Variants in PARN observed in about 807,000 individuals in gnomAD.
PARN encodes poly(A)-specific ribonuclease, also known as poly(A)-specific ribonuclease PARN.
Under a neutral mutation model 102.8 loss-of-function variants are expected in PARN, and 71 were observed. The observed-to-expected ratio is 0.69, with a 90% CI of 0.57 to 0.84. PARN has a LOEUF of 0.84. Among genes scored for constraint, PARN ranks in the 40% least tolerant of loss-of-function variants. The pLI is 0.00. For synonymous variants in PARN, 261 were observed against 252.9 expected, an observed-to-expected ratio of 1.03 and a Z score of -0.30; for missense variants, 782 against 760.9, an observed-to-expected ratio of 1.03 and a Z score of -0.33.
At chr16:14,625,278 A>G (rs941581132) in intron 5 of PARN, among the ~76,000 whole-genome samples, 2 of 152,132 alleles carry the variant, frequency 1.3e-5, no homozygotes, top group African/African-American at 2.4e-5. Context: ...CGGGCAGATC[A>G]CCTGGGGTCG....
intron 5 of PARN, among the ~76,000 whole-genome samples, chr16:14,623,311 C>T (rs1232865037): frequency 2.0e-5 from 3 of 151,790 alleles, no homozygotes; most frequent in Non-Finnish European, 2.9e-5. Flanking sequence ...GTCAAGAGAT[C>T]GAGACCATCC....
intron 14 of PARN, 144 bp from the exon 15 acceptor site, chr16:14,584,935 CACAG>C (rs1367487114): frequency 2.1e-5 from 12 of 578,586 alleles, no homozygotes; most frequent in Middle Eastern, 4.6e-4. Flanking sequence ...AATACTTAAA[CACAG>C]ACAAAGTAAT....
rs1033005377 is a variant in PARN at position 14,585,374 on chromosome 16, T to G, written c.963-583A>C. Among the ~76,000 whole-genome samples the G allele has an allele frequency of 1.3e-4, 19 of 150,956 alleles. No individual in the cohort carries two copies. The South Asian group carries it at 2.5e-3, about 20-fold the overall frequency. ...AAACTCTATTTCTCTGTTTTTTTTT[T>G]TTTTTTTTTTCATATAAATGTGAAC... On this transcript the variant is annotated intron_variant, in intron 14 of 23. Coordinates refer to ENST00000437198, the MANE Select transcript of PARN (RefSeq NM_002582.4).
At chr16:14,512,013 C>T (rs753796934) in intron 21 of PARN, among the ~76,000 whole-genome samples, 1 of 152,210 alleles carries the variant, frequency 6.6e-6, no homozygotes, top group Non-Finnish European at 1.5e-5. Flanking sequence ...TAACCTACTT[C>T]ACAAGTAATT....
rs1353375682 is a variant in PARN at position 14,554,073 on chromosome 16, C to G, written c.1397G>C (p.Ser466Thr). 1.2e-6 allele frequency: 2 copies of G among 1,610,424 alleles called. No individual in the cohort carries two copies. Among genetic ancestry groups the G allele is most frequent in the African/African-American group, 1.3e-5 (1 of 74,872 alleles). ...WKTSDLYQLF[S>T]AFGNIQISWI... Reference sequence around the variant, plus strand: ...CTGAACTTGCGACTTACCAAAGGCACTGAAAAGCTGGTAAAGGTCGCTGGT... The same window carrying G: ...CTGAACTTGCGACTTACCAAAGGCAGTGAAAAGCTGGTAAAGGTCGCTGGT... Residue 466 changes from serine to threonine, a missense_variant, in exon 20 of 24, where the codon AGT (serine) becomes ACT (threonine). Transcript: ENST00000437198.
chr16:14,498,751 G>T (rs943429579), intron 21 of PARN, among the ~76,000 whole-genome samples: 1 of 152,188 alleles, frequency 6.6e-6, no homozygotes, highest in African/African-American at 2.4e-5. Flanking sequence ...GCCTTGGGAC[G>T]ATGAAATTTA....
intron 12 of PARN, among the ~76,000 whole-genome samples, chr16:14,598,435 G>T (rs1286270202): frequency 6.6e-6 from 1 of 152,074 alleles, no homozygotes; most frequent in Non-Finnish European, 1.5e-5. Flanking sequence ...TATCATGACG[G>T]CTACAAAAGA....
chr16:14,471,961 G>A (rs1173874234), intron 22 of PARN, among the ~76,000 whole-genome samples: 1 of 152,068 alleles, frequency 6.6e-6, no homozygotes, highest in East Asian at 1.9e-4. Context: ...GCCACATTTT[G>A]CTTATCCAAA....
rs536835593 is a variant in PARN, at chr16:14,623,312, G to A, written c.327+3794C>T. ...GGGCAGATCACGAGGTCAAGAGATC[G>A]AGACCATCCTGGCCAACATGGTGAA... On this transcript the variant is annotated intron_variant, in intron 5 of 23. Coordinates refer to ENST00000437198, the MANE Select transcript of PARN (RefSeq NM_002582.4). Among the ~76,000 whole-genome samples the A allele has an allele frequency of 1.2e-3, 181 of 151,834 alleles. 1 individual carries two copies. Among genetic ancestry groups the A allele is most frequent in the Non-Finnish European group, 2.3e-3 (154 of 67,938 alleles).
At chr16:14,599,542 A>G (rs1170399263) in intron 12 of PARN, among the ~76,000 whole-genome samples, 1 of 152,224 alleles carries the variant, frequency 6.6e-6, no homozygotes, top group East Asian at 1.9e-4. Context: ...TACTTAGGGA[A>G]CAAAACACCT....
At chr16:14,437,364 AGG>A (rs1960749139) in intron 23 of PARN, among the ~76,000 whole-genome samples, 1 of 152,212 alleles carries the variant, frequency 6.6e-6, no homozygotes, top group Non-Finnish European at 1.5e-5. Flanking sequence ...TGAAGGGCAG[AGG>A]GAAGCCAACC....
intron 14 of PARN, among the ~76,000 whole-genome samples, chr16:14,585,623 T>C (rs1323724109): frequency 6.6e-6 from 1 of 152,160 alleles, no homozygotes; most frequent in Non-Finnish European, 1.5e-5. Context: ...TTGAAGTGGA[T>C]GAAAAACAAA....
chr16:14,501,505 G>C (rs1964618072), intron 21 of PARN: 1 of 138,872 alleles, frequency 7.2e-6, no homozygotes, highest in South Asian at 2.3e-4. Flanking sequence ...GCAGAGGCAT[G>C]AAAAATAGAA....
At chr16:14,609,525 C>A (rs777226170) in intron 7 of PARN, among the ~76,000 whole-genome samples, 1 of 151,986 alleles carries the variant, frequency 6.6e-6, no homozygotes, top group Non-Finnish European at 1.5e-5. Context: ...GAGCTGTGAT[C>A]GCATCACTGC....
chr16:14,445,448 G>T (rs1961155873), intron 23 of PARN, among the ~76,000 whole-genome samples: 1 of 152,196 alleles, frequency 6.6e-6, no homozygotes, highest in Non-Finnish European at 1.5e-5. Flanking sequence ...TGATTTGATT[G>T]TTAGTTCTGC....
intron 21 of PARN, among the ~76,000 whole-genome samples, chr16:14,501,104 C>A (rs1035489404): frequency 6.6e-6 from 1 of 151,724 alleles, no homozygotes; most frequent in Non-Finnish European, 1.5e-5. Flanking sequence ...ATATGGAAGT[C>A]AACTATCCAG....
At chr16:14,579,795 G>A (rs1969391085) in intron 18 of PARN, among the ~76,000 whole-genome samples, 1 of 152,042 alleles carries the variant, frequency 6.6e-6, no homozygotes, top group African/African-American at 2.4e-5. Context: ...ATTCAGCATG[G>A]TGAAACACCA....
intron 21 of PARN, chr16:14,501,470 A>G (rs1964610828): frequency 1.3e-5 from 2 of 148,536 alleles, no homozygotes; most frequent in Admixed American, 1.4e-4. Context: ...ACAGAAAGAA[A>G]AAGAGAATGA....
chr16:14,595,530 A>T (rs951817450), intron 12 of PARN, among the ~76,000 whole-genome samples: 1 of 151,894 alleles, frequency 6.6e-6, no homozygotes, highest in Non-Finnish European at 1.5e-5. Context: ...ACTCCTGGCT[A>T]ATTTTTTAAT....
Sources: allele counts gnomAD v4.1 joint callset (sites outside exome capture counted in the v4.1 genomes callset), GRCh38; gene constraint gnomAD v4.1.1; transcripts MANE v1.5; gene names NCBI Gene and HGNC (gene_info 2026-07-23, HGNC 2026-07-21).